TRPM6: variants seen among roughly 807,000 people sequenced by gnomAD.
The protein encoded by TRPM6 is channel kinase 2.
TRPM6 carries 111 observed loss-of-function variants against 247.6 expected under a neutral mutation model. The observed-to-expected ratio is 0.45, with a 90% CI of 0.38 to 0.52. TRPM6 has a LOEUF of 0.52. Ranked by LOEUF, TRPM6 falls within the 20% of genes least tolerant of loss-of-function variation. TRPM6 has a pLI of 0.00. For synonymous variants in TRPM6, 892 were observed against 853.8 expected (o/e 1.04, Z -0.78); for missense variants, 2,126 against 2,421.5 (o/e 0.88, Z 2.56).
intron 3 of TRPM6, 75 bp from the exon 4 acceptor site, chr9:74,842,418 T>A: frequency 1.4e-6 from 2 of 1,454,310 alleles, no homozygotes; most frequent in Non-Finnish European, 1.9e-6. Flanking sequence ...TTTTCTAAAG[T>A]AATGTATAGA....
intron 17 of TRPM6, among the ~76,000 whole-genome samples, chr9:74,799,164 T>C (rs114697967): frequency 0.012 from 1,898 of 152,296 alleles, 43 homozygotes; most frequent in African/African-American, 0.044. Context: ...TCCTTTTTGG[T>C]TGACATTTCT....
intron 25 of TRPM6, among the ~76,000 whole-genome samples, chr9:74,770,200 C>T (rs1312844747): frequency 2.6e-5 from 4 of 151,948 alleles, no homozygotes; most frequent in South Asian, 2.1e-4. Context: ...CATAGTGAAC[C>T]ATTTAGAAAG....
intron 1 of TRPM6, among the ~76,000 whole-genome samples, chr9:74,868,480 G>C (rs957923874): frequency 1.3e-5 from 2 of 152,088 alleles, no homozygotes; most frequent in African/African-American, 4.8e-5. Flanking sequence ...GGTCGACAGA[G>C]CGAGACTCCA....
In TRPM6 at chr9:74,740,017, G is replaced by A. The variant is rs1043298426; in HGVS notation, c.5201-8C>T. Reference sequence around the variant, plus strand: ...CAGTTATTTCTTCTCCTGCTGCAAAGAGAAGTGAAGGCTAGGAATTCAATA... The same window carrying A: ...CAGTTATTTCTTCTCCTGCTGCAAAAAGAAGTGAAGGCTAGGAATTCAATA... On this transcript the variant is annotated splice_region_variant and splice_polypyrimidine_tract_variant and intron_variant, in intron 33 of 38. Coordinates refer to ENST00000360774, the MANE Select transcript of TRPM6 (RefSeq NM_017662.5). The A allele has an allele frequency of 6.2e-7, 1 of 1,613,618 alleles. No homozygotes were observed. The highest frequency in any genetic ancestry group is 1.3e-5 in the African/African-American group (1 of 75,032).
chr9:74,744,273 C>G, intron 31 of TRPM6, 128 bp from the exon 32 acceptor site: 1 of 1,035,292 alleles, frequency 9.7e-7, no homozygotes, highest in Non-Finnish European at 1.5e-6. Context: ...TTCGAAAAAG[C>G]TTGCCTAATA....
chr9:74,857,890 A>G (rs1477090663), intron 2 of TRPM6: 2 of 152,236 alleles, frequency 1.3e-5, no homozygotes, highest in Non-Finnish European at 2.9e-5. Flanking sequence ...AGTTGGGGAT[A>G]AGAAACATTC....
intron 2 of TRPM6, 77 bp from the exon 3 acceptor site, chr9:74,855,642 C>T: frequency 1.1e-6 from 1 of 935,914 alleles, no homozygotes; most frequent in South Asian, 1.3e-5. Flanking sequence ...CAGTAAATAT[C>T]TATTATTTTC....
chr9:74,869,256 G>A (rs781080990), intron 1 of TRPM6, among the ~76,000 whole-genome samples: 2 of 151,930 alleles, frequency 1.3e-5, no homozygotes, highest in Non-Finnish European at 2.9e-5. Context: ...AGATCACAAG[G>A]TCAGGAGATC....
At chr9:74,792,308 A>C (rs1827932617) in intron 19 of TRPM6, among the ~76,000 whole-genome samples, 1 of 152,172 alleles carries the variant, frequency 6.6e-6, no homozygotes, top group Admixed American at 6.5e-5. Flanking sequence ...TCTCGCTCAG[A>C]GTTTTTAGAG....
chr9:74,810,924 G>T (rs1828708742), intron 12 of TRPM6, 56 bp from the exon 13 acceptor site: 3 of 1,457,520 alleles, frequency 2.1e-6, no homozygotes, highest in Non-Finnish European at 2.9e-6. Context: ...GTGCTGGGGG[G>T]TAAAACCTTT....
intron 1 of TRPM6, among the ~76,000 whole-genome samples, chr9:74,864,450 G>A (rs550065614): frequency 6.6e-6 from 1 of 152,210 alleles, no homozygotes; most frequent in African/African-American, 2.4e-5. Flanking sequence ...ATCCGAGAGG[G>A]GCAGTCTCAG....
In TRPM6 at chr9:74,801,910, T is replaced by G. The variant is rs1828352458; in HGVS notation, c.1997A>C (p.Lys666Thr). 6.2e-7 allele frequency: 1 copy of G among 1,614,112 alleles called. No individual in the cohort carries two copies. Among genetic ancestry groups the G allele is most frequent in the Non-Finnish European group, 8.5e-7 (1 of 1,180,042 alleles). ...AGAGAACACTTACTTTGAGTAATTC[T>G]TCAACTCTTCTGAGGCATCATCCAC... ...HMVDDASEELKNYSKQFGQLA... is the reference protein window; with the variant it reads ...HMVDDASEELTNYSKQFGQLA... The change falls in exon 16 of 39, where the codon AAG (lysine) becomes ACG (threonine). Residue 666 changes from lysine (K) to threonine (T), a missense_variant. Transcript: ENST00000360774.
At chr9:74,837,297 C>T (rs1295452363) in intron 5 of TRPM6, among the ~76,000 whole-genome samples, 1 of 152,170 alleles carries the variant, frequency 6.6e-6, no homozygotes, top group Non-Finnish European at 1.5e-5. Context: ...GGTTCTGATT[C>T]TGCAGGTCTG....
At chr9:74,878,946 T>C (rs1198177315) in intron 1 of TRPM6, among the ~76,000 whole-genome samples, 2 of 152,130 alleles carry the variant, frequency 1.3e-5, no homozygotes, top group African/African-American at 4.8e-5. Context: ...GAGCTATGAT[T>C]GTACCACTGG....
chr9:74,810,714 C>G, intron 13 of TRPM6, 101 bp downstream of exon 13: 1 of 1,027,646 alleles, frequency 9.7e-7, no homozygotes, highest in Non-Finnish European at 1.5e-6. Context: ...ATTAACAAAA[C>G]AATCCAAATC....
At chr9:74,810,132 A>G (rs903709688) in intron 13 of TRPM6, among the ~76,000 whole-genome samples, 1 of 152,180 alleles carries the variant, frequency 6.6e-6, no homozygotes, top group African/African-American at 2.4e-5. Context: ...TTGGATTTTA[A>G]CCATAGTGAC....
intron 11 of TRPM6, among the ~76,000 whole-genome samples, chr9:74,813,392 A>G (rs965719986): frequency 1.3e-5 from 2 of 152,238 alleles, no homozygotes; most frequent in Non-Finnish European, 2.9e-5. Context: ...CAGAATTCCA[A>G]CAAAAACAAA....
intron 1 of TRPM6, among the ~76,000 whole-genome samples, chr9:74,874,530 G>C (rs913108515): frequency 6.6e-6 from 1 of 152,146 alleles, no homozygotes; most frequent in African/African-American, 2.4e-5. Context: ...CGCAACTCCA[G>C]AACAGGTTTC....
intron 21 of TRPM6, among the ~76,000 whole-genome samples, chr9:74,785,275 G>A (rs1827604238): frequency 6.6e-6 from 1 of 152,106 alleles, no homozygotes; most frequent in Non-Finnish European, 1.5e-5. Flanking sequence ...AATCTAGCCT[G>A]CACAACATAG....
Sources: allele counts gnomAD v4.1 joint callset (sites outside exome capture counted in the v4.1 genomes callset), GRCh38; gene constraint gnomAD v4.1.1; transcripts MANE v1.5; gene names NCBI Gene and HGNC (gene_info 2026-07-23, HGNC 2026-07-21).